The following SHROOM4 variants were observed in gnomAD, a reference collection of about 807,000 sequenced individuals.
SHROOM4 encodes the protein shroom family member 4, also known as protein Shroom4.
A neutral mutation model predicts 80.3 loss-of-function variants in SHROOM4; 17 were observed. The observed-to-expected ratio is 0.21, with a 90% CI of 0.14 to 0.32. The LOEUF is 0.32. SHROOM4 is among the 10% of genes least tolerant of loss of function. The pLI is 1.00. For synonymous variants in SHROOM4, 400 were observed against 437.5 expected (o/e 0.91, Z 1.07); for missense variants, 993 against 1,140.3 (o/e 0.87, Z 1.86).
At chrX:50,656,462 C>T (rs1482246007) in intron 2 of SHROOM4, among the ~76,000 whole-genome samples, 4 of 111,573 alleles carry the variant, frequency 3.6e-5, no homozygotes, top group Admixed American at 1.9e-4. Context: ...AATTTCATTC[C>T]GCATGTGAAT....
At chrX:50,705,080 T>C (rs147461900) in intron 1 of SHROOM4, among the ~76,000 whole-genome samples, 2 of 112,076 alleles carry the variant, frequency 1.8e-5, no homozygotes, top group South Asian at 3.7e-4. Flanking sequence ...CCATTTTATA[T>C]TAAATCAGCA....
At chrX:50,772,153 A>G (rs2211227) in intron 1 of SHROOM4, among the ~76,000 whole-genome samples, 32,101 of 109,987 alleles carry the variant, frequency 0.29, 4,427 homozygotes, top group Non-Finnish European at 0.42. Context: ...ACTTCTGTGT[A>G]TTTTCTAAGT....
chrX:50,745,336 A>G (rs1221081254), intron 1 of SHROOM4, among the ~76,000 whole-genome samples: 5 of 111,112 alleles, frequency 4.5e-5, no homozygotes, highest in Non-Finnish European at 7.5e-5. Context: ...CCCATAGGCT[A>G]TGTTACTATT....
At position 50,814,007 on chromosome X, in the gene SHROOM4, C is replaced by A; in HGVS notation, c.12G>T (p.Arg4=). MEN[R]PGSFQYVPVQ... ...CAGGGACGTACTGGAAGGACCCAGGCCGGTTCTCCATCCTCGGCTGGGCTC... is the reference window on the plus strand; with the variant it reads ...CAGGGACGTACTGGAAGGACCCAGGACGGTTCTCCATCCTCGGCTGGGCTC... Residue 4 remains arginine (R), a synonymous_variant, in exon 1 of 9, where the codon CGG becomes CGT. Transcript: ENST00000376020. 8.3e-7 allele frequency: 1 copy of A among 1,206,096 alleles called. No individual in the cohort carries two copies. Among genetic ancestry groups the A allele is most frequent in the Non-Finnish European group, 1.1e-6 (1 of 891,393 alleles).
At chrX:50,721,745 T>A (rs1047608812) in intron 1 of SHROOM4, among the ~76,000 whole-genome samples, 3 of 111,829 alleles carry the variant, frequency 2.7e-5, no homozygotes, top group Admixed American at 9.5e-5. Flanking sequence ...ACACAGTCAG[T>A]CACTGCAAAT....
At chrX:50,798,084 T>A (rs1210286430) in intron 1 of SHROOM4, among the ~76,000 whole-genome samples, 1 of 110,644 alleles carries the variant, frequency 9.0e-6, no homozygotes, top group Non-Finnish European at 1.9e-5. Flanking sequence ...TTAAAAAAAA[T>A]TTATTGACAG....
intron 2 of SHROOM4, among the ~76,000 whole-genome samples, chrX:50,645,183 A>G (rs1347204423): frequency 1.8e-5 from 2 of 111,740 alleles, no homozygotes; most frequent in Non-Finnish European, 1.9e-5. Context: ...GACTTTTAAT[A>G]AGCTCCAGAG....
Position 50,634,166 on chromosome X carries a change from T to C in SHROOM4, c.1907A>G (p.Asn636Ser), listed in dbSNP as rs1171410482. 3 of 1,209,705 alleles carry C rather than the reference T, an allele frequency of 2.5e-6. No individual in the cohort carries two copies. In the African/African-American group the frequency reaches 5.3e-5, roughly 21 times the overall value. Residue 636 changes from asparagine to serine, a missense_variant, in exon 4 of 9, where the codon AAC (asparagine) becomes AGC (serine). Physicochemically the swap from Asn to Ser is conservative, Grantham distance 46. Coordinates refer to ENST00000376020, the MANE Select transcript of SHROOM4 (RefSeq NM_020717.5). The part of the protein sequence containing the change: ...PPESPPLTAS[N>S]TSLLSSCKKP... ...TTTACATGAAGATAGAAGAGATGTG[T>C]TAGAGGCAGTGAGTGGAGGACTTTC...
intron 1 of SHROOM4, among the ~76,000 whole-genome samples, chrX:50,732,766 A>G (rs1476520208): frequency 8.9e-6 from 1 of 112,567 alleles, no homozygotes; most frequent in Non-Finnish European, 1.9e-5. Context: ...AGACTGAATA[A>G]GTAATAAAAA....
intron 7 of SHROOM4, among the ~76,000 whole-genome samples, chrX:50,601,096 G>A (rs1278291649): frequency 8.9e-6 from 1 of 112,327 alleles, no homozygotes; most frequent in Non-Finnish European, 1.9e-5. Context: ...GGATAGAGTT[G>A]TGGAGTCATC....
intron 1 of SHROOM4, among the ~76,000 whole-genome samples, chrX:50,742,065 A>T (rs1934671315): frequency 9.0e-6 from 1 of 111,180 alleles, no homozygotes; most frequent in African/African-American, 3.3e-5. Context: ...AATTATAAAC[A>T]ATCTTATTTG....
chrX:50,622,650 T>C (rs782481055), intron 5 of SHROOM4, among the ~76,000 whole-genome samples: 29 of 111,993 alleles, frequency 2.6e-4, no homozygotes, highest in Non-Finnish European at 2.1e-4. Context: ...CATTCCAGTT[T>C]TTACAGAAAT....
rs188189085 is a variant in SHROOM4, at chrX:50,729,051, C to T, written c.118-33114G>A. On this transcript the variant is annotated intron_variant, in intron 1 of 8. Transcript: ENST00000376020. ...ATGGTCATTACTTAAAGCTGCTACA[C>T]ATATCATTGATGTGGAAAAGAGATC... Among the ~76,000 whole-genome samples the T allele has an allele frequency of 2.8e-3, 308 of 111,581 alleles. 2 individuals carry two copies. Among genetic ancestry groups the T allele is most frequent in the Middle Eastern group, 0.014 (3 of 218 alleles).
At position 50,586,828 on chromosome X, in the gene SHROOM4, G is replaced by A. The variant is rs998327135; in HGVS notation, c.*9867C>T. ...AAAATCTTTTATTGTATATATTTAA[G>A]GTGTACAAATGATGTTTTGACATCC... On this transcript the variant is annotated 3_prime_UTR_variant, in exon 9 of 9. Transcript: ENST00000376020. 2.1e-4 allele frequency among the ~76,000 whole-genome samples: 23 copies of A among 111,836 alleles called. No individual in the cohort carries two copies. Among genetic ancestry groups the A allele is most frequent in the Non-Finnish European group, 1.7e-4 (9 of 53,112 alleles).
At chrX:50,609,692 T>TGCGTGC (rs58411066) in intron 5 of SHROOM4, among the ~76,000 whole-genome samples, 3 of 107,513 alleles carry the variant, frequency 2.8e-5, no homozygotes, top group Non-Finnish European at 5.8e-5. Context: ...TGTGTGTGTG[T>TGCGTGC]ATAATTTTAA....
chrX:50,696,924 C>T (rs950191634), intron 1 of SHROOM4, among the ~76,000 whole-genome samples: 1 of 112,084 alleles, frequency 8.9e-6, no homozygotes, highest in Non-Finnish European at 1.9e-5. Context: ...TAATTTTATA[C>T]ATTCATTTTT....
chrX:50,801,834 G>C (rs1009217859), intron 1 of SHROOM4, among the ~76,000 whole-genome samples: 2 of 111,950 alleles, frequency 1.8e-5, no homozygotes, highest in Non-Finnish European at 3.8e-5. Context: ...TAAATTACAA[G>C]CTATTTCATG....
intron 5 of SHROOM4, among the ~76,000 whole-genome samples, chrX:50,610,531 T>C (rs1289946255): frequency 9.0e-6 from 1 of 111,728 alleles, no homozygotes; most frequent in East Asian, 2.8e-4. Flanking sequence ...CATCCCCACC[T>C]GATATCATAT....
At chrX:50,748,728 AT>A (rs2147596372) in intron 1 of SHROOM4, among the ~76,000 whole-genome samples, 1 of 112,021 alleles carries the variant, frequency 8.9e-6, no homozygotes, top group East Asian at 2.8e-4. Flanking sequence ...TATTCAGACC[AT>A]TAGAATTAAC....
Sources: gnomAD v4.1 joint callset for allele counts (sites outside exome capture counted in the v4.1 genomes callset) on GRCh38, gnomAD v4.1.1 for gene constraint, MANE v1.5 for transcripts, NCBI Gene and HGNC (gene_info 2026-07-23, HGNC 2026-07-21) for gene names.